CNTLN: variants seen among roughly 807,000 people sequenced by gnomAD.
The protein encoded by CNTLN is centlein.
In CNTLN, 212 loss-of-function variants were observed where a neutral mutation model predicts 180.0. That is an observed-to-expected ratio of 1.18 (90% CI 1.05 to 1.32). CNTLN has a LOEUF of 1.32. Among genes scored for constraint, CNTLN ranks in the 40% most tolerant of loss-of-function variants. The probability of loss-of-function intolerance (pLI) is 0.00; values close to 1 mark genes in which losing one functional copy is unlikely to be tolerated. For synonymous variants in CNTLN, 722 were observed against 563.1 expected (o/e 1.28, Z -3.99); for missense variants, 2,095 against 1,610.9 (o/e 1.30, Z -5.14).
intron 2 of CNTLN, among the ~76,000 whole-genome samples, chr9:17,202,813 C>A (rs1822643245): frequency 6.6e-6 from 1 of 151,990 alleles, no homozygotes. Flanking sequence ...TGTCTTTTAA[C>A]TGAGGCATTT....
chr9:17,309,457 A>C (rs549323925), intron 8 of CNTLN, among the ~76,000 whole-genome samples: 285 of 152,222 alleles, frequency 1.9e-3, no homozygotes, highest in African/African-American at 6.4e-3. Flanking sequence ...GTGCATGTAG[A>C]AGTACAGGGT....
chr9:17,199,610 T>C (rs937792367), intron 2 of CNTLN, among the ~76,000 whole-genome samples: 1 of 152,336 alleles, frequency 6.6e-6, no homozygotes, highest in East Asian at 1.9e-4. Context: ...TGAGCTTTTT[T>C]TCTATGTTTG....
At chr9:17,498,737 A>G (rs1833587706) in intron 25 of CNTLN, among the ~76,000 whole-genome samples, 1 of 152,180 alleles carries the variant, frequency 6.6e-6, no homozygotes, top group Non-Finnish European at 1.5e-5. Flanking sequence ...GAAATCATGC[A>G]GGCTCTCTGG....
chr9:17,467,369 T>A (rs577554370), intron 23 of CNTLN, among the ~76,000 whole-genome samples: 22 of 151,654 alleles, frequency 1.5e-4, no homozygotes, highest in African/African-American at 5.1e-4. Flanking sequence ...TGCAGAGGTG[T>A]ACCATCTAGA....
intron 12 of CNTLN, among the ~76,000 whole-genome samples, chr9:17,350,865 G>C (rs771854470): frequency 6.6e-6 from 1 of 152,094 alleles, no homozygotes; most frequent in Non-Finnish European, 1.5e-5. Context: ...CAAATCTGAT[G>C]TATGAACACA....
At chr9:17,281,657 G>T (rs968982028) in intron 6 of CNTLN, among the ~76,000 whole-genome samples, 1 of 152,080 alleles carries the variant, frequency 6.6e-6, no homozygotes, top group African/African-American at 2.4e-5. Context: ...TGTTGTATAT[G>T]TACCACATTT....
intron 2 of CNTLN, among the ~76,000 whole-genome samples, chr9:17,164,311 CAAAAAAAA>C (rs774854028): frequency 1.9e-5 from 1 of 51,782 alleles, no homozygotes; most frequent in Non-Finnish European, 3.9e-5. Flanking sequence ...GACTCTGTCT[CAAAAAAAA>C]AAAAAAAAAA....
chr9:17,215,413 G>A (rs757788167), intron 2 of CNTLN, among the ~76,000 whole-genome samples: 18 of 152,206 alleles, frequency 1.2e-4, no homozygotes, highest in Non-Finnish European at 1.3e-4. Context: ...TCCTCTGGAA[G>A]CTTCATCTCA....
At chr9:17,139,674 A>C (rs1368012624) in intron 1 of CNTLN, among the ~76,000 whole-genome samples, 1 of 150,916 alleles carries the variant, frequency 6.6e-6, no homozygotes, top group African/African-American at 2.4e-5. Flanking sequence ...AAAAAAAAGG[A>C]ATTTTATAGT....
intron 5 of CNTLN, among the ~76,000 whole-genome samples, chr9:17,248,632 A>G (rs1187710033): frequency 2.0e-5 from 3 of 149,736 alleles, no homozygotes; most frequent in East Asian, 3.9e-4. Flanking sequence ...AAGAAAATCA[A>G]TAATAGAAGA....
At chr9:17,374,743 C>G (rs1476899410) in intron 13 of CNTLN, among the ~76,000 whole-genome samples, 1 of 152,016 alleles carries the variant, frequency 6.6e-6, no homozygotes, top group East Asian at 1.9e-4. Flanking sequence ...CACCTGTAAT[C>G]CCAGTTACTT....
Position 17,208,933 on chromosome 9 carries a change from G to C in CNTLN, c.450-17270G>C, listed in dbSNP as rs72700164. 2.4e-3 allele frequency among the ~76,000 whole-genome samples: 365 copies of C among 151,554 alleles called. 2 individuals are homozygous for C. The highest frequency in any genetic ancestry group is 4.4e-3 in the Admixed American group (67 of 15,212). ...CTTTTTCTTTCATTGTTCTTTTTCT[G>C]TTTCAATTTCATTAATTTATGCTCT... On this transcript the variant is annotated intron_variant, in intron 2 of 25. Coordinates refer to ENST00000380647, the MANE Select transcript of CNTLN (RefSeq NM_017738.4).
chr9:17,509,031 A>G, the CNTLN span, among the ~76,000 whole-genome samples: 2 of 152,242 alleles, frequency 1.3e-5, no homozygotes, highest in African/African-American at 4.8e-5. Flanking sequence ...ATAGGATAGG[A>G]TAACCTGCTC....
chr9:17,301,723 A>T, intron 7 of CNTLN: 1 of 947,262 alleles, frequency 1.1e-6, no homozygotes, highest in Non-Finnish European at 1.3e-6. Context: ...TTATTTATTT[A>T]TTCTTTATAA....
intron 1 of CNTLN, 99 bp from the exon 2 acceptor site, chr9:17,143,189 G>A: frequency 1.0e-5 from 8 of 773,596 alleles, no homozygotes; most frequent in Non-Finnish European, 1.7e-5. Context: ...ATACAACTAG[G>A]GATCAAGTAA....
intron 7 of CNTLN, among the ~76,000 whole-genome samples, chr9:17,307,857 G>A (rs114798368): frequency 0.016 from 2,409 of 152,036 alleles, 68 homozygotes; most frequent in African/African-American, 0.056. Context: ...GAAGATGTTC[G>A]TATCTTTAAG....
chr9:17,375,966 A>G (rs1372808364), intron 13 of CNTLN, among the ~76,000 whole-genome samples: 1 of 152,176 alleles, frequency 6.6e-6, no homozygotes, highest in Non-Finnish European at 1.5e-5. Context: ...CTGTACTTTT[A>G]GGTTTTGACA....
intron 2 of CNTLN, among the ~76,000 whole-genome samples, chr9:17,199,213 T>C (rs1365064393): frequency 2.2e-5 from 3 of 137,194 alleles, no homozygotes; most frequent in African/African-American, 8.9e-5. Context: ...CTTTTTTTTT[T>C]TTTTTTTTTT....
intron 15 of CNTLN, among the ~76,000 whole-genome samples, chr9:17,397,133 C>A (rs1826594949): frequency 6.6e-6 from 1 of 152,046 alleles, no homozygotes; most frequent in South Asian, 2.1e-4. Flanking sequence ...AATAAATAAT[C>A]AATAGTTAGG....
Sources: allele counts gnomAD v4.1 joint callset (sites outside exome capture counted in the v4.1 genomes callset), GRCh38; gene constraint gnomAD v4.1.1; transcripts MANE v1.5; gene names NCBI Gene and HGNC (gene_info 2026-07-23, HGNC 2026-07-21).